YIPF4: variants seen among roughly 807,000 people sequenced by gnomAD.
YIPF4 encodes the protein protein YIPF4.
In YIPF4, 18 loss-of-function variants were observed where a neutral mutation model predicts 29.4. That is an observed-to-expected ratio of 0.61 (90% CI 0.42 to 0.91). The LOEUF is 0.91. Ranked by LOEUF, YIPF4 falls within the 40% of genes least tolerant of loss-of-function variation. The pLI, the probability that YIPF4 is intolerant of heterozygous loss-of-function variation, is 0.00. For synonymous variants in YIPF4, 115 were observed against 104.7 expected, an observed-to-expected ratio of 1.10 and a Z score of -0.60; for missense variants, 279 against 282.7, an observed-to-expected ratio of 0.99 and a Z score of 0.09.
chr2:32,314,656 A>G lies in YIPF4; in HGVS notation c.*9030A>G, dbSNP rs2031786182. On this transcript the variant is annotated 3_prime_UTR_variant, in exon 6 of 6. Coordinates refer to ENST00000238831, the MANE Select transcript of YIPF4 (RefSeq NM_032312.4). Reference sequence around the variant, plus strand: ...CCATTGCACTCCAGCCTGGGCAAGAAGAGCAAAACTTCGTCTCAAAAAAAA... The same window carrying G: ...CCATTGCACTCCAGCCTGGGCAAGAGGAGCAAAACTTCGTCTCAAAAAAAA... The G allele has an allele frequency of 1.3e-5, 2 of 152,138 alleles. No individual in the cohort carries two copies. Among genetic ancestry groups the G allele is most frequent in the African/African-American group, 2.4e-5 (1 of 41,426 alleles). The allele number at this position is 152,138 out of a possible 1,614,324, so 9.4% of individuals were successfully genotyped here.
At chr2:32,280,420 C>T in intron 1 of YIPF4, among the ~76,000 whole-genome samples, 1 of 149,320 alleles carries the variant, frequency 6.7e-6, no homozygotes, top group Non-Finnish European at 1.5e-5. Context: ...TGCTCTGTCG[C>T]CCAGGCTGGA....
chr2:32,290,713 G>A, intron 2 of YIPF4, 77 bp downstream of exon 2: 1 of 1,066,406 alleles, frequency 9.4e-7, no homozygotes. Flanking sequence ...TTGTTATTTA[G>A]AGAGAAAGCA....
At chr2:32,293,903 C>T (rs1361708915) in intron 3 of YIPF4, among the ~76,000 whole-genome samples, 2 of 143,472 alleles carry the variant, frequency 1.4e-5, no homozygotes, top group African/African-American at 2.7e-5. Context: ...TGACCCCCCC[C>T]ACCTCCCTCC....
At position 32,309,398 on chromosome 2, in the gene YIPF4, T is replaced by C. The variant is rs1389776744; in HGVS notation, c.*3772T>C. ...AAGTCTGAAACCTGAGAAACTCTGG[T>C]CCCAAGCATTTTGGAAAGGGTATAC... On this transcript the variant is annotated 3_prime_UTR_variant, in exon 6 of 6. Coordinates refer to ENST00000238831, the MANE Select transcript of YIPF4 (RefSeq NM_032312.4). 6.6e-6 allele frequency: 1 copy of C among 152,172 alleles called. No individual in the cohort carries two copies. The highest frequency in any genetic ancestry group is 1.5e-5 in the Non-Finnish European group (1 of 68,022). The allele number at this position is 152,172 out of a possible 1,614,324, so 9.4% of individuals were successfully genotyped here.
intron 1 of YIPF4, among the ~76,000 whole-genome samples, chr2:32,278,568 A>T (rs1214521765): frequency 6.6e-6 from 1 of 152,214 alleles, no homozygotes; most frequent in East Asian, 1.9e-4. Flanking sequence ...CCTTACTCAG[A>T]AAAAGGACAG....
At position 32,307,338 on chromosome 2, in the gene YIPF4, C is replaced by A; in HGVS notation, c.*1712C>A. On this transcript the variant is annotated 3_prime_UTR_variant, in exon 6 of 6. Transcript: ENST00000238831. ...GACCAGGAGGTAGAATTTTACAAGG[C>A]AATAAATGAAGGTATTTTAAGATCA... 1 of 200,908 alleles carries A rather than the reference C, an allele frequency of 5.0e-6. No individual in the cohort carries two copies. The highest frequency in any genetic ancestry group is 1.1e-5 in the Non-Finnish European group (1 of 92,880). 12.4% of individuals were successfully genotyped at this position (200,908 alleles called of 1,614,324 possible). A position where few individuals can be genotyped will look rare whatever the true frequency, so the allele number is the denominator to read the frequency against.
chr2:32,305,430 C>G, intron 5 of YIPF4, 59 bp from the exon 6 acceptor site: 1 of 1,408,484 alleles, frequency 7.1e-7, no homozygotes, highest in Non-Finnish European at 9.3e-7. Flanking sequence ...TCTATGATAT[C>G]CAAAAAGTTA....
chr2:32,291,564 G>T (rs888653376), intron 2 of YIPF4, among the ~76,000 whole-genome samples: 2 of 151,924 alleles, frequency 1.3e-5, no homozygotes, highest in African/African-American at 4.8e-5. Flanking sequence ...GAAACAAACC[G>T]TATACCATCA....
rs539987369 is a variant in YIPF4, at chr2:32,310,716, A to T, written c.*5090A>T. ...CGACGTAGTGAGACCCCATCTCTAC[A>T]AAAGAAAAATTAGCTGGGCATGTGG... is the stretch of plus-strand genomic sequence containing the variant. On this transcript the variant is annotated 3_prime_UTR_variant, in exon 6 of 6. Coordinates refer to ENST00000238831, the MANE Select transcript of YIPF4 (RefSeq NM_032312.4). 1 of 152,194 alleles carries T rather than the reference A, an allele frequency of 6.6e-6. No individual in the cohort carries two copies. The highest frequency in any genetic ancestry group is 2.4e-5 in the African/African-American group (1 of 41,514). The allele number at this position is 152,194 out of a possible 1,614,324, so 9.4% of individuals were successfully genotyped here.
At chr2:32,297,757 C>G (rs976980919) in intron 3 of YIPF4, among the ~76,000 whole-genome samples, 7 of 152,112 alleles carry the variant, frequency 4.6e-5, no homozygotes, top group Admixed American at 1.3e-4. Flanking sequence ...ACCATTCCAG[C>G]AGACAGCTTC....
At chr2:32,290,149 C>G (rs1010269499) in intron 1 of YIPF4, among the ~76,000 whole-genome samples, 7 of 152,060 alleles carry the variant, frequency 4.6e-5, no homozygotes, top group Non-Finnish European at 1.0e-4. Flanking sequence ...ATGAAGGAAT[C>G]CAAAATGATG....
rs764734596 is a variant in YIPF4, at chr2:32,310,278, T to G, written c.*4652T>G. On this transcript the variant is annotated 3_prime_UTR_variant, in exon 6 of 6. Coordinates refer to ENST00000238831, the MANE Select transcript of YIPF4 (RefSeq NM_032312.4). ...TGGGAGGCCATGGCAGGAGGATTGC[T>G]TGAACCCAGGAGTTGTAGACCAGCC... 1.3e-5 allele frequency: 2 copies of G among 152,150 alleles called. No homozygotes were observed. Among genetic ancestry groups the G allele is most frequent in the Non-Finnish European group, 2.9e-5 (2 of 68,038 alleles). 9.4% of individuals were successfully genotyped at this position (152,150 alleles called of 1,614,324 possible).
Position 32,294,798 on chromosome 2 carries a change from A to T in YIPF4, c.405+2450A>T, listed in dbSNP as rs1249372856. ...CACCATTGAGCACTGAGTGAACCAG[A>T]CACCGTCTGCAATCCCGGCACCTCC... On this transcript the variant is annotated intron_variant, in intron 3 of 5. Transcript: ENST00000238831. Among the ~76,000 whole-genome samples the T allele has an allele frequency of 6.6e-5, 10 of 152,346 alleles. No homozygotes were observed. The South Asian group carries it at 2.1e-3, about 32-fold the overall frequency.
chr2:32,298,959 C>G (rs1324041751), intron 4 of YIPF4, among the ~76,000 whole-genome samples: 3 of 151,948 alleles, frequency 2.0e-5, no homozygotes, highest in Non-Finnish European at 4.4e-5. Flanking sequence ...CTCACTGCTA[C>G]CTCCACCTCC....
At chr2:32,279,500 C>T (rs1474755293) in intron 1 of YIPF4, among the ~76,000 whole-genome samples, 3 of 149,668 alleles carry the variant, frequency 2.0e-5, no homozygotes, top group Non-Finnish European at 3.0e-5. Flanking sequence ...CGGGTTCACG[C>T]CATTCTCTGG....
intron 1 of YIPF4, among the ~76,000 whole-genome samples, chr2:32,285,897 T>C (rs1041060287): frequency 3.3e-5 from 5 of 152,074 alleles, no homozygotes; most frequent in African/African-American, 1.2e-4. Context: ...TTCCTACTTA[T>C]GAAAAATAAT....
chr2:32,291,155 GT>G (rs1456735658), intron 2 of YIPF4, among the ~76,000 whole-genome samples: 1 of 152,212 alleles, frequency 6.6e-6, no homozygotes, highest in African/African-American at 2.4e-5. Flanking sequence ...CTATAGCTTT[GT>G]AAAATTGAGG....
chr2:32,306,697 T>G lies in YIPF4; in HGVS notation c.*1071T>G. Reference sequence around the variant, plus strand: ...GAAATTTTTATCAGTGAAATATTTGTTGCAAATAATTTCATAGGTTTTTAG... The same window carrying G: ...GAAATTTTTATCAGTGAAATATTTGGTGCAAATAATTTCATAGGTTTTTAG... On this transcript the variant is annotated 3_prime_UTR_variant, in exon 6 of 6. Coordinates refer to ENST00000238831, the MANE Select transcript of YIPF4 (RefSeq NM_032312.4). The G allele has an allele frequency of 9.9e-6, 7 of 705,576 alleles. No homozygotes were observed. The highest frequency in any genetic ancestry group is 1.2e-5 in the Non-Finnish European group (7 of 574,672). 43.7% of individuals were successfully genotyped at this position (705,576 alleles called of 1,614,324 possible). A position where few individuals can be genotyped will look rare whatever the true frequency, so the allele number is the denominator to read the frequency against.
intron 1 of YIPF4, 119 bp downstream of exon 1, chr2:32,278,353 G>A: frequency 1.0e-6 from 1 of 995,542 alleles, no homozygotes. Flanking sequence ...GCTGACTGGT[G>A]ACTGCAGCCC....
Sources: gnomAD v4.1 joint callset for allele counts (sites outside exome capture counted in the v4.1 genomes callset) on GRCh38, gnomAD v4.1.1 for gene constraint, MANE v1.5 for transcripts, NCBI Gene and HGNC (gene_info 2026-07-23, HGNC 2026-07-21) for gene names.